OTUD5: variants seen among roughly 807,000 people sequenced by gnomAD.
The protein encoded by OTUD5 is OTU domain-containing protein 5.
A neutral mutation model predicts 36.3 loss-of-function variants in OTUD5; 2 were observed. The ratio of observed to expected loss-of-function variants is 0.06; its 90% confidence interval spans 0.02 to 0.17. OTUD5 has a LOEUF of 0.17. Ranked by LOEUF, OTUD5 falls within the 10% of genes least tolerant of loss-of-function variation. OTUD5 has a pLI of 1.00. For synonymous variants in OTUD5, 234 were observed against 214.9 expected (o/e 1.09, Z -0.78); for missense variants, 233 against 512.3 (o/e 0.45, Z 5.26).
chrX:48,930,553 A>G (rs1214326327), intron 5 of OTUD5, among the ~76,000 whole-genome samples: 1 of 112,312 alleles, frequency 8.9e-6, no homozygotes, highest in Non-Finnish European at 1.9e-5. Context: ...TCCTTGCTCT[A>G]TCAGCTGACA....
Position 48,957,316 on chromosome X carries a change from C to A in OTUD5, c.255G>T (p.Val85=). The A allele has an allele frequency of 8.8e-7, 1 of 1,132,349 alleles. No individual in the cohort carries two copies. Among genetic ancestry groups the A allele is most frequent in the South Asian group, 2.0e-5 (1 of 49,871 alleles). 93.3% of individuals were successfully genotyped at this position (1,132,349 alleles called of 1,213,427 possible). ...PGALHRWALA[V]PPGAVAGPRP... is the part of the protein sequence containing the mutation. ...GGGGACCCGCCACTGCACCAGGCGG[C>A]ACGGCCAGCGCCCAGCGATGAAGAG... Residue 85 remains valine, a synonymous_variant, in exon 1 of 9, where the codon GTG becomes GTT. Transcript: ENST00000376488.
intron 2 of OTUD5, among the ~76,000 whole-genome samples, chrX:48,937,567 C>T (rs782027032): frequency 8.9e-6 from 1 of 112,276 alleles, no homozygotes; most frequent in Non-Finnish European, 1.9e-5. Flanking sequence ...GGGAAAACCC[C>T]CTGAGGGTCC....
chrX:48,925,851 C>G lies in OTUD5; in HGVS notation c.1259G>C (p.Ser420Thr). Residue 420 changes from serine to threonine, a missense_variant, in exon 6 of 9, where the codon AGC becomes ACC. Physicochemically the swap from Ser to Thr is moderately conservative, Grantham distance 58. Coordinates refer to ENST00000376488, the MANE Select transcript of OTUD5 (RefSeq NM_001136157.2). Reference protein sequence around the residue: ...EKQARQVRGPSQPRKASATCS... With the variant: ...EKQARQVRGPTQPRKASATCS... Reference sequence around the variant, plus strand: ...GTGACAGAGTCCATGACCCACCTGGCTGGGGCCTCGGACCTGGCGAGCCTG... The same window carrying G: ...GTGACAGAGTCCATGACCCACCTGGGTGGGGCCTCGGACCTGGCGAGCCTG... 2 of 1,206,357 alleles carry G rather than the reference C, an allele frequency of 1.7e-6. No individual in the cohort carries two copies. Among genetic ancestry groups the G allele is most frequent in the Non-Finnish European group, 2.2e-6 (2 of 892,291 alleles).
At chrX:48,933,130 G>A (rs2063781568) in intron 5 of OTUD5, among the ~76,000 whole-genome samples, 1 of 111,906 alleles carries the variant, frequency 8.9e-6, no homozygotes, top group Admixed American at 9.5e-5. Flanking sequence ...TCTAGAAAAG[G>A]CAAAACGAGA....
intron 2 of OTUD5, among the ~76,000 whole-genome samples, chrX:48,937,458 G>A (rs1346931950): frequency 1.8e-5 from 2 of 112,091 alleles, no homozygotes; most frequent in Non-Finnish European, 1.9e-5. Flanking sequence ...AAAGGTCAAC[G>A]GTCATTTCCA....
chrX:48,924,099 C>T (rs1247784500), intron 6 of OTUD5, 47 bp from the exon 7 acceptor site: 2 of 1,105,808 alleles, frequency 1.8e-6, no homozygotes, highest in Admixed American at 2.6e-5. Context: ...GCAGCCATGA[C>T]CTTCTTGTGA....
chrX:48,953,072 C>T (rs1303222200), intron 1 of OTUD5, among the ~76,000 whole-genome samples: 2 of 111,791 alleles, frequency 1.8e-5, no homozygotes, highest in African/African-American at 6.5e-5. Flanking sequence ...AGTAGTTTGC[C>T]TAAAGCTATA....
At position 48,923,333 on chromosome X, in the gene OTUD5, G is replaced by A. The variant is rs782166482; in HGVS notation, c.1580-38C>T. On this transcript the variant is annotated intron_variant, in intron 8 of 8. Coordinates refer to ENST00000376488, the MANE Select transcript of OTUD5 (RefSeq NM_001136157.2). ...AGGAAGAGGAAAAGGATGATGGAGC[G>A]CTCTCAGCCTGCCTTCTCCTCACCC... 1.3e-5 allele frequency: 14 copies of A among 1,085,174 alleles called. 1 individual carries two copies. The South Asian group carries it at 1.3e-4, about 10-fold the overall frequency. 89.4% of individuals were successfully genotyped at this position (1,085,174 alleles called of 1,213,427 possible). A position where few individuals can be genotyped will look rare whatever the true frequency, so the allele number is the denominator to read the frequency against.
intron 5 of OTUD5, among the ~76,000 whole-genome samples, chrX:48,933,416 CTTTT>C (rs61012379): frequency 1.1e-5 from 1 of 90,711 alleles, no homozygotes. Context: ...ATATTTGTAA[CTTTT>C]TTTTTTTTTT....
chrX:48,956,560 G>T (rs1224482930), intron 1 of OTUD5, among the ~76,000 whole-genome samples: 3 of 111,202 alleles, frequency 2.7e-5, no homozygotes, highest in Non-Finnish European at 5.7e-5. Context: ...TCCTGGAAGG[G>T]GAATCTCAAA....
intron 2 of OTUD5, among the ~76,000 whole-genome samples, chrX:48,941,432 CAAAAAAAAAAAAAAAAAAAA>C (rs200040194): frequency 2.5e-4 from 8 of 31,940 alleles, no homozygotes; most frequent in African/African-American, 8.6e-4. Flanking sequence ...GACTCCATCT[CAAAAAAAAAAAAAAAAAAAA>C]AAAAAAAAAA....
At chrX:48,940,024 C>T (rs2063895134) in intron 2 of OTUD5, 1 of 114,252 alleles carries the variant, frequency 8.8e-6, no homozygotes, top group South Asian at 3.6e-4. Context: ...CTGGTCTGCT[C>T]CCCACTACCC....
chrX:48,957,314 G>A lies in OTUD5; in HGVS notation c.257C>T (p.Pro86Leu). The A allele has an allele frequency of 8.8e-7, 1 of 1,132,239 alleles. No homozygotes were observed. The highest frequency in any genetic ancestry group is 2.8e-5 in the Admixed American group (1 of 35,699). The allele number at this position is 1,132,239 out of a possible 1,213,427, so 93.3% of individuals were successfully genotyped here. A position where few individuals can be genotyped will look rare whatever the true frequency, so the allele number is the denominator to read the frequency against. Residue 86 changes from proline (P) to leucine (L), a missense_variant, in exon 1 of 9, where the codon CCG becomes CTG. Around this residue, in one of 3 missense-constraint regions of OTUD5, gnomAD observed 155 missense variants for 217.2 expected, o/e 0.71. Transcript: ENST00000376488. The stretch of plus-strand genomic sequence containing the variant: ...CCGGGGACCCGCCACTGCACCAGGC[G>A]GCACGGCCAGCGCCCAGCGATGAAG... The part of the protein sequence containing the change: ...GALHRWALAV[P>L]PGAVAGPRPQ...
intron 1 of OTUD5, among the ~76,000 whole-genome samples, chrX:48,948,703 A>C (rs2064077300): frequency 9.8e-6 from 1 of 102,442 alleles, no homozygotes; most frequent in Admixed American, 1.1e-4. Context: ...TGGGGAGAAA[A>C]TGTTGCTCAG....
chrX:48,941,557 A>G (rs1374468679), intron 2 of OTUD5, among the ~76,000 whole-genome samples: 2 of 109,324 alleles, frequency 1.8e-5, no homozygotes, highest in Admixed American at 9.8e-5. Flanking sequence ...CTATGCTTCA[A>G]TCTTTTCACC....
At chrX:48,929,016 A>G (rs1557048248) in intron 5 of OTUD5, among the ~76,000 whole-genome samples, 1 of 110,952 alleles carries the variant, frequency 9.0e-6, no homozygotes, top group East Asian at 2.8e-4. Flanking sequence ...GTAATAGTAG[A>G]TACATAACAT....
upstream of OTUD5, chrX:48,957,620 G>A (rs1166842516): frequency 8.0e-5 from 65 of 810,084 alleles, no homozygotes; most frequent in Non-Finnish European, 9.3e-5. Context: ...GGCACGCCGG[G>A]AGAGAACCCG....
chrX:48,923,127 G>A lies in OTUD5; in HGVS notation c.*47C>T. On this transcript the variant is annotated 3_prime_UTR_variant, in exon 9 of 9. Transcript: ENST00000376488. ...AAAGAAGGTGAGGTGGCACCGGAGA[G>A]CAGGAGTACTGGGGTTGGGAGATGG... is the stretch of plus-strand genomic sequence containing the variant. 8.3e-7 allele frequency: 1 copy of A among 1,209,894 alleles called. No homozygotes were observed. The highest frequency in any genetic ancestry group is 3.0e-5 in the East Asian group (1 of 33,816).
chrX:48,932,424 A>T (rs888192750), intron 5 of OTUD5, among the ~76,000 whole-genome samples: 1 of 110,297 alleles, frequency 9.1e-6, no homozygotes, highest in East Asian at 2.9e-4. Flanking sequence ...TCCTAGGTTC[A>T]AGTGATTCTC....
Sources: gnomAD v4.1 joint callset for allele counts (sites outside exome capture counted in the v4.1 genomes callset) on GRCh38, gnomAD v4.1.1 for gene constraint, gnomAD v4.1.1 regional missense constraint, MANE v1.5 for transcripts, NCBI Gene and HGNC (gene_info 2026-07-23, HGNC 2026-07-21) for gene names.